Variants in RIMS1 observed in about 807,000 individuals in gnomAD.
RIMS1 encodes the protein regulating synaptic membrane exocytosis 1, also known as regulating synaptic membrane exocytosis protein 1.
In RIMS1, 83 loss-of-function variants were observed where a neutral mutation model predicts 214.1. The observed-to-expected ratio is 0.39, with a 90% CI of 0.32 to 0.47. The LOEUF is 0.47. Ranked by LOEUF, RIMS1 falls within the 20% of genes least tolerant of loss-of-function variation. The probability of loss-of-function intolerance (pLI) is 0.99; values close to 1 mark genes in which losing one functional copy is unlikely to be tolerated. For missense variants in RIMS1, 2,050 were observed against 2,161.8 expected (o/e 0.95, Z 1.03); for synonymous variants, 793 against 786.8 (o/e 1.01, Z -0.13).
intron 1 of RIMS1, among the ~76,000 whole-genome samples, chr6:71,907,575 A>T (rs1456703362): frequency 3.9e-5 from 6 of 152,106 alleles, no homozygotes; most frequent in Admixed American, 2.0e-4. Flanking sequence ...AAAGTTAAAA[A>T]TTTTTCTAAT....
At chr6:72,153,044 GTA>G (rs1562443235) in intron 4 of RIMS1, among the ~76,000 whole-genome samples, 3 of 133,808 alleles carry the variant, frequency 2.2e-5, no homozygotes, top group Admixed American at 7.7e-5. Context: ...GTGTGTGTGT[GTA>G]TATATATGTA....
At chr6:72,195,080 G>C (rs1284716594) in intron 6 of RIMS1, among the ~76,000 whole-genome samples, 1 of 152,144 alleles carries the variant, frequency 6.6e-6, no homozygotes, top group Non-Finnish European at 1.5e-5. Flanking sequence ...AGGCCTAAGA[G>C]TAAACAGTGA....
At chr6:72,336,129 T>C (rs552724358) in intron 29 of RIMS1, among the ~76,000 whole-genome samples, 78 of 151,976 alleles carry the variant, frequency 5.1e-4, no homozygotes, top group Admixed American at 4.9e-3. Flanking sequence ...ATGTGAGAGA[T>C]TGTAAGTTTA....
At chr6:72,263,599 T>C (rs559104722) in intron 19 of RIMS1, 1 of 985,426 alleles carries the variant, frequency 1.0e-6, no homozygotes. Context: ...AAAAGTTTTA[T>C]AGCAACCTAT....
chr6:72,333,875 T>A (rs766917715), intron 29 of RIMS1, 40 bp downstream of exon 29: 32 of 1,407,724 alleles, frequency 2.3e-5, no homozygotes, highest in Non-Finnish European at 9.8e-7. Context: ...TCAATTCTTT[T>A]ATGGAGAGAA....
At chr6:72,394,883 A>C (rs564352143) in intron 31 of RIMS1, among the ~76,000 whole-genome samples, 191 of 152,188 alleles carry the variant, frequency 1.3e-3, no homozygotes, top group Middle Eastern at 3.4e-3. Flanking sequence ...CAACTAAGTA[A>C]AAATAACTTA....
chr6:72,292,426 A>G (rs1293459703), intron 26 of RIMS1, among the ~76,000 whole-genome samples: 8 of 152,206 alleles, frequency 5.3e-5, no homozygotes, highest in Admixed American at 5.2e-4. Context: ...ACACTTAATC[A>G]TACTGAATCC....
chr6:72,171,440 T>G (rs866032869), intron 4 of RIMS1, among the ~76,000 whole-genome samples: 1 of 151,902 alleles, frequency 6.6e-6, no homozygotes, highest in South Asian at 2.1e-4. Flanking sequence ...CTTACTGATA[T>G]TGTATGAATC....
chr6:72,290,214 A>G (rs999801664), intron 24 of RIMS1, among the ~76,000 whole-genome samples: 6 of 152,194 alleles, frequency 3.9e-5, no homozygotes, highest in Non-Finnish European at 7.3e-5. Flanking sequence ...AAAATTATGA[A>G]CATTGTAAAA....
At chr6:72,154,064 C>A (rs2044107570) in intron 4 of RIMS1, among the ~76,000 whole-genome samples, 1 of 151,996 alleles carries the variant, frequency 6.6e-6, no homozygotes, top group Non-Finnish European at 1.5e-5. Flanking sequence ...CTCTGCTTAG[C>A]AGAGTGCTTG....
chr6:72,220,771 C>A (rs1175449115), intron 6 of RIMS1, among the ~76,000 whole-genome samples: 1 of 152,040 alleles, frequency 6.6e-6, no homozygotes, highest in East Asian at 1.9e-4. Context: ...GAGCTTGTTT[C>A]TGTTTAGAAT....
chr6:72,219,625 A>G (rs577131970), intron 6 of RIMS1, among the ~76,000 whole-genome samples: 1 of 152,120 alleles, frequency 6.6e-6, no homozygotes, highest in East Asian at 1.9e-4. Context: ...GTATTTCAAT[A>G]CTATAATATC....
intron 28 of RIMS1, chr6:72,317,495 T>C (rs1372111578): frequency 1.2e-5 from 2 of 166,722 alleles, no homozygotes; most frequent in Non-Finnish European, 2.6e-5. Flanking sequence ...TATTTGAGGA[T>C]TTTAAAACAA....
intron 1 of RIMS1, among the ~76,000 whole-genome samples, chr6:71,956,323 C>A (rs542435825): frequency 6.6e-6 from 1 of 151,878 alleles, no homozygotes; most frequent in Admixed American, 6.6e-5. Flanking sequence ...TTGCTTCTCT[C>A]GACAGGATTT....
intron 1 of RIMS1, among the ~76,000 whole-genome samples, chr6:71,943,383 G>T (rs546127796): frequency 7.9e-5 from 12 of 152,188 alleles, no homozygotes; most frequent in African/African-American, 2.9e-4. Flanking sequence ...TTTCCCACTG[G>T]ATTATCCCAA....
chr6:71,951,260 G>T (rs1458925849), intron 1 of RIMS1, among the ~76,000 whole-genome samples: 2 of 152,024 alleles, frequency 1.3e-5, no homozygotes. Context: ...CCTAAAGCTT[G>T]TATCAACTTC....
intron 23 of RIMS1, among the ~76,000 whole-genome samples, chr6:72,276,708 A>G (rs1286246561): frequency 6.6e-6 from 1 of 152,196 alleles, no homozygotes; most frequent in African/African-American, 2.4e-5. Flanking sequence ...TATTTACAAT[A>G]CAATTTTATT....
intron 29 of RIMS1, among the ~76,000 whole-genome samples, chr6:72,363,914 G>A (rs1459701509): frequency 6.6e-6 from 1 of 152,194 alleles, no homozygotes; most frequent in African/African-American, 2.4e-5. Context: ...GTAGTGTGGG[G>A]GAGGAAAGGC....
intron 29 of RIMS1, among the ~76,000 whole-genome samples, chr6:72,343,140 T>C (rs2097150898): frequency 6.6e-6 from 1 of 151,846 alleles, no homozygotes; most frequent in East Asian, 1.9e-4. Flanking sequence ...GGTATCTGGT[T>C]CACATTAGCT....
Sources: allele counts gnomAD v4.1 joint callset (sites outside exome capture counted in the v4.1 genomes callset), GRCh38; gene constraint gnomAD v4.1.1; transcripts MANE v1.5; gene names NCBI Gene and HGNC (gene_info 2026-07-23, HGNC 2026-07-21).